LINGO2: variants seen among roughly 807,000 people sequenced by gnomAD.
LINGO2 encodes the protein leucine rich repeat and Ig domain containing 2, also known as leucine-rich repeat and immunoglobulin-like domain-containing nogo receptor-interacting protein 2.
In LINGO2, 14 loss-of-function variants were observed where a neutral mutation model predicts 30.6. The ratio of observed to expected loss-of-function variants is 0.46; its 90% CI spans 0.30 to 0.72. The LOEUF (loss-of-function observed/expected upper bound fraction) is 0.72. Among genes scored for constraint, LINGO2 ranks in the 30% least tolerant of loss-of-function variants. LINGO2 has a pLI of 0.07. For missense variants in LINGO2, 729 were observed against 751.7 expected, an observed-to-expected ratio of 0.97 and a Z score of 0.35; for synonymous variants, 317 against 288.5, an observed-to-expected ratio of 1.10 and a Z score of -1.00.
intron 4 of LINGO2, among the ~76,000 whole-genome samples, chr9:28,288,068 ATT>A (rs1027568835): frequency 1.3e-5 from 2 of 152,050 alleles, no homozygotes; most frequent in African/African-American, 4.8e-5. Flanking sequence ...TTAGTTTATC[ATT>A]TCTCTCTGTA....
intron 1 of LINGO2, among the ~76,000 whole-genome samples, chr9:28,506,248 T>C (rs923530896): frequency 6.6e-6 from 1 of 151,290 alleles, no homozygotes; most frequent in South Asian, 2.1e-4. Context: ...AGTCATAACT[T>C]GGAGGCTCAA....
At chr9:29,014,678 T>C in the LINGO2 span, among the ~76,000 whole-genome samples, 281 of 152,178 alleles carry the variant, frequency 1.8e-3, no homozygotes, top group Non-Finnish European at 3.5e-3. Flanking sequence ...TTTACACAAC[T>C]ACACTTAGAT....
intron 4 of LINGO2, among the ~76,000 whole-genome samples, chr9:28,093,105 T>C (rs1826144534): frequency 6.6e-6 from 1 of 152,078 alleles, no homozygotes; most frequent in Admixed American, 6.6e-5. Flanking sequence ...TTTATCTCTG[T>C]GCTAATTACC....
intron 2 of LINGO2, among the ~76,000 whole-genome samples, chr9:28,423,710 A>G (rs935292667): frequency 1.1e-4 from 16 of 152,138 alleles, no homozygotes; most frequent in African/African-American, 3.9e-4. Flanking sequence ...TATGTTTTAT[A>G]TAAATATGAG....
the LINGO2 span, among the ~76,000 whole-genome samples, chr9:29,201,942 A>G: frequency 5.3e-5 from 8 of 151,974 alleles, no homozygotes. Context: ...AGAATTTGAA[A>G]CCAAATCTTA....
In LINGO2 at chr9:28,130,614, G is replaced by A. The variant is rs1031258555; in HGVS notation, c.-86-118209C>T. On this transcript the variant is annotated intron_variant, in intron 4 of 5. Coordinates refer to ENST00000379992, the Ensembl canonical transcript of LINGO2. This position sits in a 1 kb window ranked among gnomAD's most constrained non-coding sequence, Gnocchi z 5.2. ...TGTAAAGATATAACCAATGTTATCA[G>A]AAAGCACATCATAAAAGTCATTAAT... Among the ~76,000 whole-genome samples, 10 of 152,092 alleles carry A rather than the reference G, an allele frequency of 6.6e-5. No homozygotes were observed. Among genetic ancestry groups the A allele is most frequent in the African/African-American group, 2.4e-4 (10 of 41,422 alleles).
chr9:28,373,531 T>C (rs1412122531), intron 2 of LINGO2, among the ~76,000 whole-genome samples: 2 of 152,202 alleles, frequency 1.3e-5, no homozygotes, highest in Admixed American at 1.3e-4. Context: ...CGATGTTTTT[T>C]TTAGTCATTG....
chr9:28,275,028 T>C (rs1050395627), intron 4 of LINGO2, among the ~76,000 whole-genome samples: 1 of 152,106 alleles, frequency 6.6e-6, no homozygotes, highest in Admixed American at 6.5e-5. Context: ...CATGTCTGTT[T>C]CTAGTTCAGA....
chr9:28,440,381 T>C (rs1052787765), intron 2 of LINGO2, among the ~76,000 whole-genome samples: 1 of 152,236 alleles, frequency 6.6e-6, no homozygotes, highest in Non-Finnish European at 1.5e-5. Flanking sequence ...AAGACATTTA[T>C]AAAACGTTCA....
chr9:28,458,315 T>C (rs1036275284), intron 2 of LINGO2, among the ~76,000 whole-genome samples: 1 of 152,208 alleles, frequency 6.6e-6, no homozygotes, highest in Non-Finnish European at 1.5e-5. Context: ...CCTATATTTT[T>C]ATACGTCCCA....
chr9:29,005,421 A>G, the LINGO2 span, among the ~76,000 whole-genome samples: 1 of 152,022 alleles, frequency 6.6e-6, no homozygotes, highest in Non-Finnish European at 1.5e-5. Context: ...GATTGGTTCC[A>G]AAATGAATCC....
intron 4 of LINGO2, among the ~76,000 whole-genome samples, chr9:28,255,847 T>C (rs1350992557): frequency 2.0e-5 from 3 of 152,124 alleles, no homozygotes; most frequent in Non-Finnish European, 4.4e-5. Flanking sequence ...CTGCTGCTCC[T>C]AGATACAACT....
chr9:28,018,638 T>G (rs1201116577), intron 4 of LINGO2, among the ~76,000 whole-genome samples: 2 of 151,878 alleles, frequency 1.3e-5, no homozygotes, highest in East Asian at 1.9e-4. Flanking sequence ...CAAACCACAA[T>G]GAGTTACCAT....
the LINGO2 span, among the ~76,000 whole-genome samples, chr9:29,142,865 T>C: frequency 6.6e-6 from 1 of 151,976 alleles, no homozygotes; most frequent in East Asian, 1.9e-4. Flanking sequence ...AAAGTGTCTC[T>C]GTTTATAGAT....
chr9:29,067,472 G>A, the LINGO2 span, among the ~76,000 whole-genome samples: 1 of 151,628 alleles, frequency 6.6e-6, no homozygotes. Flanking sequence ...ACCTGTATTA[G>A]AGAAAGATTA....
intron 4 of LINGO2, among the ~76,000 whole-genome samples, chr9:28,029,569 A>G: frequency 6.6e-6 from 1 of 152,318 alleles, no homozygotes; most frequent in South Asian, 2.1e-4. Context: ...CCACATTTAT[A>G]TCCTTCTAAC....
chr9:27,938,087 C>T, the LINGO2 span: 40,962 of 152,034 alleles, frequency 0.27, 6,041 homozygotes, highest in Middle Eastern at 0.46. Context: ...AATAACTGTT[C>T]CGCCACACCC....
chr9:28,331,020 T>C (rs1825400200), intron 3 of LINGO2, among the ~76,000 whole-genome samples: 1 of 152,108 alleles, frequency 6.6e-6, no homozygotes, highest in Non-Finnish European at 1.5e-5. Context: ...ATTAAACCTG[T>C]GTGAAGTTGA....
chr9:28,500,363 G>T (rs1484780715), intron 1 of LINGO2, among the ~76,000 whole-genome samples: 1 of 152,140 alleles, frequency 6.6e-6, no homozygotes. Context: ...GGCAGAAAAT[G>T]TTAAATCCCC....
Sources: allele counts gnomAD v4.1 joint callset (sites outside exome capture counted in the v4.1 genomes callset), GRCh38; gene constraint gnomAD v4.1.1; non-coding constraint Gnocchi (gnomAD v3.1); transcripts MANE v1.5; gene names NCBI Gene and HGNC (gene_info 2026-07-23, HGNC 2026-07-21).